Variants in RPS24 observed in about 807,000 individuals in gnomAD.
The protein encoded by RPS24 is small ribosomal subunit protein eS24.
For synonymous variants in RPS24, 72 were observed against 55.6 expected (o/e 1.30, Z -1.31); for missense variants, 100 against 162.5 (o/e 0.62, Z 2.09).
chr10:78,054,914 C>T, exon 5 of RPS24: 1 of 1,529,614 alleles, frequency 6.5e-7, no homozygotes, highest in South Asian at 1.2e-5. Flanking sequence ...CACCCCACAT[C>T]CAGGCCATCA....
chr10:78,048,348 T>G (rs1358080777), intron 4 of RPS24, among the ~76,000 whole-genome samples: 1 of 152,156 alleles, frequency 6.6e-6, no homozygotes, highest in Non-Finnish European at 1.5e-5. Context: ...CTTCCAAAAA[T>G]ACATTGCCTC....
At chr10:78,038,517 C>T (rs1459679685) in intron 4 of RPS24, 2 of 150,448 alleles carry the variant, frequency 1.3e-5, no homozygotes, top group South Asian at 2.1e-4. Flanking sequence ...ATTACTTAAT[C>T]TCCCAACTTT....
At position 78,035,716 on chromosome 10, in the gene RPS24, C is replaced by T; in HGVS notation, c.275C>T (p.Ala92Val). Reference sequence around the variant, plus strand: ...AAAAATGAACCCAAACATAGACTTGCAAGAGTAGGTGTCTTTTCATTTGTT... The same window carrying T: ...AAAAATGAACCCAAACATAGACTTGTAAGAGTAGGTGTCTTTTCATTTGTT... ...AKKNEPKHRLARHGLYEKKKT... is the reference protein window; with the variant it reads ...AKKNEPKHRLVRHGLYEKKKT... The change falls in exon 3 of 6, where the codon GCA becomes GTA. Residue 92 changes from alanine (A) to valine (V), a missense_variant. By Grantham distance (64) the Ala-to-Val change is moderately conservative (BLOSUM62 0). Transcript: ENST00000372360. The T allele has an allele frequency of 6.3e-7, 1 of 1,598,310 alleles. No individual in the cohort carries two copies. Among genetic ancestry groups the T allele is most frequent in the Non-Finnish European group, 8.5e-7 (1 of 1,178,564 alleles).
chr10:78,042,871 C>A (rs972614784), downstream of RPS24, among the ~76,000 whole-genome samples: 1 of 152,162 alleles, frequency 6.6e-6, no homozygotes, highest in African/African-American at 2.4e-5. Context: ...TGCACTCTTC[C>A]TTTCTTCCCT....
intron 4 of RPS24, among the ~76,000 whole-genome samples, chr10:78,049,716 T>C (rs912672322): frequency 6.6e-6 from 1 of 152,236 alleles, no homozygotes; most frequent in Non-Finnish European, 1.5e-5. Flanking sequence ...CAGCATCTCC[T>C]TGACCCTAAG....
At chr10:78,054,011 T>G (rs1457242994) in intron 4 of RPS24, among the ~76,000 whole-genome samples, 1 of 152,072 alleles carries the variant, frequency 6.6e-6, no homozygotes, top group African/African-American at 2.4e-5. Flanking sequence ...TGGAGTCCAG[T>G]TTCCTACCTC....
At chr10:78,036,226 A>C in intron 3 of RPS24, 1 of 192,320 alleles carries the variant, frequency 5.2e-6, no homozygotes, top group Non-Finnish European at 1.1e-5. Flanking sequence ...CCTTTAACTC[A>C]CTTTATCCTA....
At position 78,036,407 on chromosome 10, in the gene RPS24, G is replaced by A. The variant is rs116411839; in HGVS notation, c.279+687G>A. On this transcript the variant is annotated intron_variant, in intron 3 of 5. Coordinates refer to ENST00000372360, the MANE Select transcript of RPS24 (RefSeq NM_033022.4). ...TGCAACCTCCGCCTGCCAGGTTCACGCAACTCTTCTGCCTGAGCTTCCTGA... is the reference window on the plus strand; with the variant it reads ...TGCAACCTCCGCCTGCCAGGTTCACACAACTCTTCTGCCTGAGCTTCCTGA... 3.4e-3 allele frequency: 530 copies of A among 154,252 alleles called. 5 individuals are homozygous for A. The highest frequency in any genetic ancestry group is 0.012 in the African/African-American group (487 of 41,508). 9.6% of individuals were successfully genotyped at this position (154,252 alleles called of 1,614,324 possible). A position where few individuals can be genotyped will look rare whatever the true frequency, so the allele number is the denominator to read the frequency against.
downstream of RPS24, among the ~76,000 whole-genome samples, chr10:78,043,743 G>A (rs1282735950): frequency 3.3e-5 from 5 of 152,186 alleles, no homozygotes; most frequent in Non-Finnish European, 5.9e-5. Context: ...GAAATTGAGA[G>A]CCAAGAAGAT....
At chr10:78,035,943 T>C in intron 3 of RPS24, 1 of 553,254 alleles carries the variant, frequency 1.8e-6, no homozygotes, top group Non-Finnish European at 3.3e-6. Flanking sequence ...AGTAGTGTTC[T>C]TGGAGATGGG....
In RPS24 at chr10:78,046,802, A is replaced by G. The variant is rs1848048339; in HGVS notation, c.391-7729A>G. Among the ~76,000 whole-genome samples, 3 of 152,198 alleles carry G rather than the reference A, an allele frequency of 2.0e-5. No homozygotes were observed. The South Asian group carries it at 6.2e-4, about 31-fold the overall frequency. ...GGGGGCATTTGTGGAACATCTTGCCAAGGAGCTAGAAATGGTCCTGAGCCT... is the reference window on the plus strand; with the variant it reads ...GGGGGCATTTGTGGAACATCTTGCCGAGGAGCTAGAAATGGTCCTGAGCCT... On this transcript the variant is annotated intron_variant, in intron 4 of 4. Transcript: ENST00000440692.
At chr10:78,040,742 TAGG>T (rs1471667634), downstream of RPS24, 5 of 1,387,992 alleles carry the variant, frequency 3.6e-6, no homozygotes, top group Admixed American at 1.8e-5. Flanking sequence ...CTGGGACTGC[TAGG>T]AGGTTAGTCT....
Position 78,052,065 on chromosome 10 carries a change from G to A in RPS24, c.391-2466G>A, listed in dbSNP as rs138118448. Among the ~76,000 whole-genome samples the A allele has an allele frequency of 8.1e-3, 1,224 of 151,878 alleles. 6 individuals are homozygous for A. The highest frequency in any genetic ancestry group is 0.014 in the Non-Finnish European group (963 of 67,946). On this transcript the variant is annotated intron_variant, in intron 4 of 4. Transcript: ENST00000440692. ...TTTTGAGACAGGGCCTTGCCCTGTC[G>A]CCCAGGCTGGAGTACAGTGGCTTGA...
rs554900099 is a variant in RPS24, at chr10:78,034,275, C to T, written c.3+371C>T. On this transcript the variant is annotated intron_variant, in intron 1 of 5. Coordinates refer to ENST00000372360, the MANE Select transcript of RPS24 (RefSeq NM_033022.4). The stretch of plus-strand genomic sequence containing the variant: ...AGGCGGCTTGCAGGTGATGGCAGTA[C>T]AAGAGGTGAAGAAGGTGCGGGCAGC... The T allele has an allele frequency of 1.2e-3, 454 of 378,712 alleles. 15 individuals carry two copies. The South Asian group carries it at 0.015, about 13-fold the overall frequency. The allele number at this position is 378,712 out of a possible 1,614,324, so 23.5% of individuals were successfully genotyped here.
At position 78,054,796 on chromosome 10, in the gene RPS24, G is replaced by A. The variant is rs1019534950; in HGVS notation, c.656G>A (p.Gly219Glu). Residue 219 changes from glycine (G) to glutamate (E), a missense_variant, in exon 5 of 5, where the codon GGA (glycine) becomes GAA (glutamate). Coordinates refer to the RPS24 transcript ENST00000440692. ...TTGGAGAGGGCACTGGTCAGAAACG[G>A]AGCCTTCATGTCGCCTGCCTCACCT... 5.2e-6 allele frequency: 8 copies of A among 1,551,660 alleles called. No individual in the cohort carries two copies. In the Admixed American group the frequency reaches 1.6e-4, roughly 30 times the overall value.
intron 1 of RPS24, chr10:78,034,428 C>T (rs1014684308): frequency 2.4e-4 from 43 of 177,122 alleles, no homozygotes; most frequent in Non-Finnish European, 1.1e-4. Flanking sequence ...AAAGGTAGTC[C>T]TGCCCTAAGT....
chr10:78,045,289 A>G (rs1397298638), downstream of RPS24, among the ~76,000 whole-genome samples: 2 of 152,026 alleles, frequency 1.3e-5, no homozygotes, highest in Non-Finnish European at 2.9e-5. Context: ...GCCTGGCCCC[A>G]AGTATTAATA....
chr10:78,040,304 C>A, intron 5 of RPS24, 79 bp downstream of exon 5: 2 of 1,143,740 alleles, frequency 1.7e-6, no homozygotes, highest in Non-Finnish European at 2.7e-6. Flanking sequence ...AAAAGCAGAT[C>A]ATGTGTAGTA....
At chr10:78,039,979 A>G in intron 4 of RPS24, 1 of 621,822 alleles carries the variant, frequency 1.6e-6, no homozygotes, top group Non-Finnish European at 3.0e-6. Context: ...TCGTTTGCAT[A>G]AGAACTACAG....
Sources: gnomAD v4.1 joint callset for allele counts (sites outside exome capture counted in the v4.1 genomes callset) on GRCh38, gnomAD v4.1.1 for gene constraint, MANE v1.5 for transcripts, NCBI Gene and HGNC (gene_info 2026-07-23, HGNC 2026-07-21) for gene names.